Variants in INF2 observed in about 807,000 individuals in gnomAD.
The protein encoded by INF2 is inverted formin-2.
Under a neutral mutation model 123.5 loss-of-function variants are expected in INF2, and 43 were observed. That is an observed-to-expected ratio of 0.35 (90% CI 0.27 to 0.45). The LOEUF (loss-of-function observed/expected upper bound fraction) is 0.45, where lower values mean the gene tolerates loss of function less well. Among genes scored for constraint, INF2 ranks in the 20% least tolerant of loss-of-function variants. The pLI, the probability that INF2 is intolerant of heterozygous loss-of-function variation, is 1.00. For synonymous variants in INF2, 851 were observed against 745.0 expected (o/e 1.14, Z -2.32); for missense variants, 1,453 against 1,682.7 (o/e 0.86, Z 2.39).
chr14:104,704,483 G>A (rs1315504311), intron 5 of INF2: 3 of 189,090 alleles, frequency 1.6e-5, no homozygotes, highest in Non-Finnish European at 3.3e-5. Context: ...GTGAGCGGTG[G>A]GCGGGCATTC....
chr14:104,710,129 C>T lies in INF2; in HGVS notation c.2180C>T (p.Ala727Val), dbSNP rs1156240396. 6.4e-6 allele frequency: 10 copies of T among 1,552,960 alleles called. No homozygotes were observed. The highest frequency in any genetic ancestry group is 3.9e-5 in the Admixed American group (2 of 51,478). Residue 727 changes from alanine to valine, a missense_variant, in exon 13 of 23, where the codon GCG becomes GTG. Physicochemically the swap from Ala to Val is moderately conservative, Grantham distance 64. This residue lies in a region of INF2 where 192 missense variants were observed against 274.4 expected (regional missense o/e 0.70). Coordinates refer to ENST00000392634, the MANE Select transcript of INF2 (RefSeq NM_022489.4). ...RIECMLLCEG[A>V]AAVLDMVRPK... is the part of the protein sequence containing the mutation. ...GAGTGCATGCTGCTGTGTGAGGGCG[C>T]GGCCGCCGTGCTGGACATGGTGCGG...
intron 2 of INF2, among the ~76,000 whole-genome samples, chr14:104,702,025 C>T (rs564948998): frequency 1.1e-4 from 16 of 152,310 alleles, no homozygotes; most frequent in Admixed American, 8.5e-4. Flanking sequence ...GGCTCTGCCC[C>T]ACCCTTCCTC....
intron 12 of INF2, among the ~76,000 whole-genome samples, 170 bp from the exon 13 acceptor site, chr14:104,709,918 G>A (rs899742371): frequency 1.3e-5 from 2 of 152,346 alleles, no homozygotes; most frequent in African/African-American, 4.8e-5. Flanking sequence ...GCCTCTGGAG[G>A]AATTGGATCC....
exon 1 of INF2, chr14:104,681,498 C>T (rs761868220): frequency 6.1e-5 from 70 of 1,145,784 alleles, no homozygotes; most frequent in Non-Finnish European, 7.1e-5. Context: ...TACCGGCACA[C>T]GGGCACCAGC....
Position 104,714,066 on chromosome 14 carries a change from C to A in INF2, c.3041-137C>A, listed in dbSNP as rs1029377866. On this transcript the variant is annotated intron_variant, in intron 20 of 22. Transcript: ENST00000392634. Reference sequence around the variant, plus strand: ...CCAAGGACGCTGAGGCCGGGTCCTGCTCTGAGACATCAGAGGAGGCTTTCT... The same window carrying A: ...CCAAGGACGCTGAGGCCGGGTCCTGATCTGAGACATCAGAGGAGGCTTTCT... 4.9e-5 allele frequency: 37 copies of A among 751,384 alleles called. No homozygotes were observed. In the South Asian group the frequency reaches 7.0e-4, roughly 14 times the overall value. The allele number at this position is 751,384 out of a possible 1,614,324, so 46.5% of individuals were successfully genotyped here.
At position 104,706,994 on chromosome 14, in the gene INF2, C is replaced by G. The variant is rs1449385173; in HGVS notation, c.928C>G (p.Leu310Val). 2 of 1,597,900 alleles carry G rather than the reference C, an allele frequency of 1.3e-6. No homozygotes were observed. The change falls in exon 7 of 23, where the codon CTG (leucine) becomes GTG (valine). Residue 310 changes from leucine (L) to valine (V), a missense_variant. Leu to Val is a conservative substitution (Grantham distance 32). Transcript: ENST00000392634. Reference protein sequence around the residue: ...HLEPTLRSSQLLWEALESLVN... With the variant: ...HLEPTLRSSQVLWEALESLVN... ...GGAGCCCACCCTCCGCTCCAGCCAG[C>G]TGCTCTGGGAGGCCCTGGAGAGCCT...
chr14:104,681,484 T>G (rs183302552), exon 1 of INF2: 1 of 1,028,658 alleles, frequency 9.7e-7, no homozygotes, highest in South Asian at 1.3e-5. Flanking sequence ...AGCTAAGCCC[T>G]AGTTACCGGC....
Position 104,701,533 on chromosome 14 carries a change from C to T in INF2, c.168C>T (p.Arg56=). 6.2e-7 allele frequency: 1 copy of T among 1,608,662 alleles called. No individual in the cohort carries two copies. Among genetic ancestry groups the T allele is most frequent in the Non-Finnish European group, 8.5e-7 (1 of 1,178,406 alleles). Reference sequence around the variant, plus strand: ...TCAACTACTCCGGCCTGCGCAAGCGCCTGGAGGGCAGCGACGGCGGCTGGA... The same window carrying T: ...TCAACTACTCCGGCCTGCGCAAGCGTCTGGAGGGCAGCGACGGCGGCTGGA... The part of the protein sequence containing the change: ...SVVNYSGLRK[R]LEGSDGGWMV... The change falls in exon 2 of 23, where the codon CGC becomes CGT. Residue 56 remains arginine, a synonymous_variant. Coordinates refer to ENST00000392634, the MANE Select transcript of INF2 (RefSeq NM_022489.4).
intron 1 of INF2, among the ~76,000 whole-genome samples, chr14:104,682,813 C>A (rs77732021): frequency 0.032 from 4,928 of 152,080 alleles, 122 homozygotes; most frequent in Non-Finnish European, 0.05. Flanking sequence ...ATCCTCACGT[C>A]CCCCCCGGAC....
chr14:104,716,674 T>G (rs1202443885), intron 22 of INF2, among the ~76,000 whole-genome samples: 4 of 152,180 alleles, frequency 2.6e-5, no homozygotes, highest in Non-Finnish European at 5.9e-5. Flanking sequence ...AGAAGTCCTC[T>G]TCTCTCCCCA....
At chr14:104,697,907 C>T (rs1225200972) in intron 1 of INF2, among the ~76,000 whole-genome samples, 1 of 152,210 alleles carries the variant, frequency 6.6e-6, no homozygotes, top group African/African-American at 2.4e-5. Flanking sequence ...GGATGGGACG[C>T]CCCTTCTTGG....
In INF2 at chr14:104,721,972, G is replaced by A. The variant is rs1451824650; in HGVS notation, c.*3179G>A. 1 of 152,336 alleles carries A rather than the reference G, an allele frequency of 6.6e-6. No homozygotes were observed. Among genetic ancestry groups the A allele is most frequent in the Non-Finnish European group, 1.5e-5 (1 of 68,102 alleles). The allele number at this position is 152,336 out of a possible 1,614,324, so 9.4% of individuals were successfully genotyped here. A position where few individuals can be genotyped will look rare whatever the true frequency, so the allele number is the denominator to read the frequency against. ...CTGTGTGCGATGGTCCCACTGGGAG[G>A]TGTGGCCCCCAAAGAGTGGAACCCA... On this transcript the variant is annotated 3_prime_UTR_variant, in exon 23 of 23. Coordinates refer to ENST00000392634, the MANE Select transcript of INF2 (RefSeq NM_022489.4).
intron 1 of INF2, among the ~76,000 whole-genome samples, chr14:104,691,041 G>A (rs992165683): frequency 1.3e-5 from 2 of 152,244 alleles, no homozygotes; most frequent in South Asian, 4.1e-4. Flanking sequence ...CATGGGCCCT[G>A]CAGCCCGGCA....
upstream of INF2, chr14:104,689,610 C>A: frequency 1.1e-6 from 1 of 870,720 alleles, no homozygotes; most frequent in Non-Finnish European, 1.4e-6. Context: ...CCCGCCCGCC[C>A]CGCGCCCGCC....
At chr14:104,687,801 C>T (rs1187418976), upstream of INF2, among the ~76,000 whole-genome samples, 1 of 152,192 alleles carries the variant, frequency 6.6e-6, no homozygotes. This position sits in a 1 kb window ranked among gnomAD's most constrained non-coding sequence, Gnocchi z 5.6. Context: ...AGGACTCTGA[C>T]TTTCCCCCAG....
intron 1 of INF2, among the ~76,000 whole-genome samples, chr14:104,693,093 G>A (rs558987448): frequency 6.6e-6 from 1 of 152,218 alleles, no homozygotes; most frequent in Non-Finnish European, 1.5e-5. Flanking sequence ...CCTGGCCGCC[G>A]ATCAAGGCCT....
rs1890013088 is a variant in INF2, at chr14:104,710,741, C to T, written c.2240-196C>T. On this transcript the variant is annotated intron_variant, in intron 13 of 22. Transcript: ENST00000392634. ...AGGCACAGCTCACGTCTGTCAGGCA[C>T]ACTGTAGGTGTCCACTCCCGTCGGT... The T allele has an allele frequency of 1.5e-5, 9 of 597,474 alleles. No individual in the cohort carries two copies. The Middle Eastern group carries it at 1.8e-3, about 117-fold the overall frequency. 37.0% of individuals were successfully genotyped at this position (597,474 alleles called of 1,614,324 possible).
chr14:104,716,807 C>T (rs1422490328), intron 22 of INF2, among the ~76,000 whole-genome samples: 3 of 152,238 alleles, frequency 2.0e-5, no homozygotes, highest in African/African-American at 7.2e-5. Context: ...TCTCCTGCCT[C>T]AGCCTCCCGA....
At chr14:104,686,605 G>A (rs933403254), upstream of INF2, among the ~76,000 whole-genome samples, 1 of 152,020 alleles carries the variant, frequency 6.6e-6, no homozygotes, top group African/African-American at 2.4e-5. Context: ...ATCATCTCAG[G>A]GCACCACAGT....
Sources: allele counts gnomAD v4.1 joint callset (sites outside exome capture counted in the v4.1 genomes callset), GRCh38; gene constraint gnomAD v4.1.1; regional missense constraint gnomAD v4.1.1; non-coding constraint Gnocchi (gnomAD v3.1); transcripts MANE v1.5; gene names NCBI Gene and HGNC (gene_info 2026-07-23, HGNC 2026-07-21).